The following CPQ variants were observed in gnomAD, a reference collection of about 807,000 sequenced individuals.
The protein encoded by CPQ is carboxypeptidase Q.
CPQ carries 37 observed loss-of-function variants against 45.7 expected under a neutral mutation model. That is an observed-to-expected ratio of 0.81 (90% confidence interval 0.62 to 1.07). CPQ has a LOEUF of 1.07. Among genes scored for constraint, CPQ ranks in the 50% least tolerant of loss-of-function variants. CPQ has a pLI of 0.00. For synonymous variants in CPQ, 186 were observed against 205.8 expected (o/e 0.90, Z 0.82); for missense variants, 537 against 572.9 (o/e 0.94, Z 0.64).
intron 5 of CPQ, among the ~76,000 whole-genome samples, chr8:96,998,794 G>GT (rs1300112364): frequency 6.6e-6 from 1 of 152,072 alleles, no homozygotes; most frequent in African/African-American, 2.4e-5. Flanking sequence ...TTTGCCTGCT[G>GT]TAACTTCTCA....
chr8:96,710,153 C>T (rs1027628841), intron 1 of CPQ, among the ~76,000 whole-genome samples: 1 of 152,112 alleles, frequency 6.6e-6, no homozygotes, highest in Non-Finnish European at 1.5e-5. Context: ...TCCATTTCCT[C>T]TAGATTTTCT....
chr8:97,001,151 G>A (rs747918072), intron 5 of CPQ, among the ~76,000 whole-genome samples: 4 of 152,128 alleles, frequency 2.6e-5, no homozygotes, highest in Non-Finnish European at 4.4e-5. Flanking sequence ...TGAGACAATG[G>A]AGTTTTCTAG....
At chr8:96,984,964 A>G (rs1027256276) in intron 5 of CPQ, among the ~76,000 whole-genome samples, 1 of 152,204 alleles carries the variant, frequency 6.6e-6, no homozygotes, top group African/African-American at 2.4e-5. Context: ...AGTAGGACTC[A>G]TAGTAGTTCC....
intron 1 of CPQ, among the ~76,000 whole-genome samples, chr8:96,727,219 G>A (rs1809854921): frequency 6.6e-6 from 1 of 152,116 alleles, no homozygotes; most frequent in African/African-American, 2.4e-5. Flanking sequence ...TAGCCCTTTA[G>A]CCAATATATA....
At chr8:96,836,256 C>A (rs528407261) in intron 3 of CPQ, among the ~76,000 whole-genome samples, 1 of 152,024 alleles carries the variant, frequency 6.6e-6, no homozygotes, top group Non-Finnish European at 1.5e-5. Flanking sequence ...CACCCTACAC[C>A]CCTGAAAATA....
intron 1 of CPQ, among the ~76,000 whole-genome samples, chr8:96,703,069 T>C (rs1257524087): frequency 6.6e-6 from 1 of 152,136 alleles, no homozygotes; most frequent in Non-Finnish European, 1.5e-5. Flanking sequence ...GAAGCATACA[T>C]AAAACAAGGT....
chr8:97,018,291 C>T (rs576055666), intron 5 of CPQ, among the ~76,000 whole-genome samples: 98 of 152,242 alleles, frequency 6.4e-4, no homozygotes, highest in African/African-American at 2.4e-3. Context: ...GAGAAGGAAC[C>T]AGAAAACCAA....
At chr8:96,921,957 C>T (rs988827824) in intron 4 of CPQ, among the ~76,000 whole-genome samples, 1 of 152,050 alleles carries the variant, frequency 6.6e-6, no homozygotes, top group African/African-American at 2.4e-5. Context: ...GATGTCTTCT[C>T]TACTATTTTT....
intron 4 of CPQ, among the ~76,000 whole-genome samples, chr8:96,899,944 C>G (rs1812493913): frequency 6.6e-6 from 1 of 152,038 alleles, no homozygotes; most frequent in African/African-American, 2.4e-5. Flanking sequence ...GGACTTTGAG[C>G]CAATTCTTGG....
intron 2 of CPQ, among the ~76,000 whole-genome samples, chr8:96,804,505 T>G: frequency 6.6e-6 from 1 of 152,230 alleles, no homozygotes; most frequent in Middle Eastern, 3.4e-3. Context: ...AATACTATTA[T>G]TAGTAGTATA....
intron 7 of CPQ, among the ~76,000 whole-genome samples, chr8:97,077,586 T>C (rs1432966073): frequency 6.6e-6 from 1 of 152,236 alleles, no homozygotes; most frequent in African/African-American, 2.4e-5. Context: ...ATTTTAACTT[T>C]TTATAATAGA....
intron 7 of CPQ, among the ~76,000 whole-genome samples, chr8:97,090,696 A>G (rs1034235760): frequency 5.3e-5 from 8 of 152,182 alleles, no homozygotes; most frequent in Non-Finnish European, 1.0e-4. Context: ...TTAAACCACA[A>G]AACTCTTCCC....
intron 1 of CPQ, among the ~76,000 whole-genome samples, chr8:96,665,513 C>T (rs1563695962): frequency 6.6e-6 from 1 of 152,166 alleles, no homozygotes; most frequent in Non-Finnish European, 1.5e-5. Context: ...AGAGGGAAAT[C>T]CCGAGTTAGG....
intron 6 of CPQ, among the ~76,000 whole-genome samples, chr8:97,034,820 C>T (rs552336921): frequency 2.6e-5 from 4 of 152,052 alleles, no homozygotes; most frequent in Non-Finnish European, 4.4e-5. Flanking sequence ...CTGAGTCTGA[C>T]GTCTTTCACT....
chr8:96,988,434 A>T (rs1809030115), intron 5 of CPQ, among the ~76,000 whole-genome samples: 1 of 152,150 alleles, frequency 6.6e-6, no homozygotes, highest in Non-Finnish European at 1.5e-5. Flanking sequence ...GACTGGGAAA[A>T]AATGTACTAT....
intron 1 of CPQ, among the ~76,000 whole-genome samples, chr8:96,699,974 C>T (rs934916172): frequency 2.0e-5 from 3 of 152,102 alleles, no homozygotes; most frequent in African/African-American, 7.2e-5. Flanking sequence ...CTCCCTTTCC[C>T]GTGGGGGCTT....
intron 4 of CPQ, among the ~76,000 whole-genome samples, chr8:96,889,000 A>G (rs1436096155): frequency 2.6e-5 from 4 of 152,164 alleles, no homozygotes; most frequent in African/African-American, 9.7e-5. Context: ...TTTTGTTGGT[A>G]GACTATTTTG....
chr8:96,810,450 G>A (rs541208697), intron 2 of CPQ, among the ~76,000 whole-genome samples: 16 of 152,204 alleles, frequency 1.1e-4, no homozygotes, highest in Non-Finnish European at 1.9e-4. Flanking sequence ...AGTGGTTAGA[G>A]TAACTTTGGA....
At chr8:96,710,794 G>T (rs970815495) in intron 1 of CPQ, among the ~76,000 whole-genome samples, 10 of 152,176 alleles carry the variant, frequency 6.6e-5, no homozygotes, top group African/African-American at 2.4e-4. Context: ...AATGTTCCAT[G>T]TGTTAATGAG....
Sources: allele counts gnomAD v4.1 joint callset (sites outside exome capture counted in the v4.1 genomes callset), GRCh38; gene constraint gnomAD v4.1.1; transcripts MANE v1.5; gene names NCBI Gene and HGNC (gene_info 2026-07-23, HGNC 2026-07-21).